Variants in STS observed in about 807,000 individuals in gnomAD.
The protein encoded by STS is steryl-sulfatase.
A neutral mutation model predicts 26.8 loss-of-function variants in STS; 7 were observed. The ratio of observed to expected loss-of-function variants is 0.26; its 90% CI spans 0.15 to 0.49. STS has a LOEUF of 0.49. STS is among the 20% of genes least tolerant of loss of function. The probability of loss-of-function intolerance (pLI) is 0.98; values close to 1 mark genes in which losing one functional copy is unlikely to be tolerated. For missense variants in STS, 434 were observed against 465.6 expected, an observed-to-expected ratio of 0.93 and a Z score of 0.63; for synonymous variants, 199 against 189.4, an observed-to-expected ratio of 1.05 and a Z score of -0.42.
intron 9 of STS, among the ~76,000 whole-genome samples, chrX:7,330,878 A>G (rs899666571): frequency 8.9e-6 from 1 of 112,151 alleles, no homozygotes; most frequent in East Asian, 2.8e-4. Context: ...AATACTTAAG[A>G]TTCCCTTTAA....
At chrX:7,249,468 G>A (rs550420664) in intron 2 of STS, among the ~76,000 whole-genome samples, 24 of 111,558 alleles carry the variant, frequency 2.2e-4, no homozygotes, top group African/African-American at 7.8e-4. Flanking sequence ...CTCAGACTGG[G>A]TAGGCAGTGG....
chrX:7,204,674 TTCC>T (rs1277427036), intron 2 of STS, among the ~76,000 whole-genome samples: 101 of 104,202 alleles, frequency 9.7e-4, no homozygotes, highest in African/African-American at 3.4e-3. Flanking sequence ...CCTTCCTTTT[TTCC>T]TCCTCACCTT....
At chrX:7,223,144 C>A (rs1921649359) in intron 2 of STS, among the ~76,000 whole-genome samples, 1 of 111,320 alleles carries the variant, frequency 9.0e-6, no homozygotes, top group Admixed American at 9.6e-5. Context: ...TTATCCAATC[C>A]TCTGTTGATG....
intron 2 of STS, among the ~76,000 whole-genome samples, chrX:7,206,770 G>A (rs1449278725): frequency 8.9e-6 from 1 of 112,224 alleles, no homozygotes; most frequent in Non-Finnish European, 1.9e-5. Context: ...AAGGATTTTT[G>A]TTGTGAATTT....
intron 8 of STS, 60 bp from the exon 9 acceptor site, chrX:7,325,279 G>A (rs1056777385): frequency 3.5e-6 from 4 of 1,146,912 alleles, no homozygotes; most frequent in South Asian, 1.9e-5. Context: ...GTCCATTGAA[G>A]TGAGCATTGA....
Position 7,334,120 on chromosome X carries a change from A to G in STS, c.1363+13A>G. On this transcript the variant is annotated intron_variant, in intron 10 of 10. Coordinates refer to ENST00000674429, the MANE Select transcript of STS (RefSeq NM_001320752.2). The stretch of plus-strand genomic sequence containing the variant: ...CACCCTCAGAACAGTGAGTAAACAG[A>G]CCTTTCCACGCTCCTCATGCTCCGT... 1 of 1,211,244 alleles carries G rather than the reference A, an allele frequency of 8.3e-7. No individual in the cohort carries two copies. Among genetic ancestry groups the G allele is most frequent in the Non-Finnish European group, 1.1e-6 (1 of 895,212 alleles).
At chrX:7,231,877 T>A (rs2147060155) in intron 2 of STS, among the ~76,000 whole-genome samples, 1 of 106,659 alleles carries the variant, frequency 9.4e-6, no homozygotes, top group South Asian at 4.2e-4. Flanking sequence ...TCTTGGTAAA[T>A]TCTTTTTATT....
intron 2 of STS, among the ~76,000 whole-genome samples, chrX:7,197,477 C>T (rs1158491282): frequency 9.0e-6 from 1 of 110,809 alleles, no homozygotes; most frequent in Non-Finnish European, 1.9e-5. Context: ...AGGGCGTTCC[C>T]GAAGCTAAGA....
At chrX:7,234,760 C>G (rs1460230571) in intron 2 of STS, among the ~76,000 whole-genome samples, 1 of 112,241 alleles carries the variant, frequency 8.9e-6, no homozygotes, top group Non-Finnish European at 1.9e-5. Flanking sequence ...GTTCTTGAAT[C>G]TGATCCTTTT....
At chrX:7,312,541 C>A (rs1373511789) in intron 8 of STS, among the ~76,000 whole-genome samples, 2 of 111,197 alleles carry the variant, frequency 1.8e-5, no homozygotes, top group East Asian at 5.7e-4. Context: ...ATAATCCCCA[C>A]ATGTCATGGG....
intron 2 of STS, among the ~76,000 whole-genome samples, chrX:7,249,016 G>A (rs184845317): frequency 1.4e-3 from 152 of 111,115 alleles, no homozygotes; most frequent in African/African-American, 4.6e-3. Context: ...TTCTATCCAA[G>A]ATACAGACAT....
intron 10 of STS, among the ~76,000 whole-genome samples, chrX:7,338,475 G>C (rs769971395): frequency 1.8e-5 from 2 of 111,935 alleles, no homozygotes; most frequent in Non-Finnish European, 3.8e-5. Context: ...GCATCATGTA[G>C]ACAAGAAAGT....
intron 1 of STS, among the ~76,000 whole-genome samples, chrX:7,162,596 G>A (rs1933266304): frequency 9.1e-6 from 1 of 110,344 alleles, no homozygotes; most frequent in Non-Finnish European, 1.9e-5. Context: ...CGGAGGCACT[G>A]TTGGTACGTG....
intron 2 of STS, among the ~76,000 whole-genome samples, chrX:7,224,150 T>C (rs1161071148): frequency 8.9e-6 from 1 of 111,886 alleles, no homozygotes; most frequent in African/African-American, 3.2e-5. Context: ...CTTTATGATC[T>C]GATCTTTTCA....
intron 2 of STS, among the ~76,000 whole-genome samples, chrX:7,247,555 T>C (rs897917734): frequency 4.4e-5 from 5 of 112,405 alleles, no homozygotes; most frequent in Non-Finnish European, 9.4e-5. Flanking sequence ...ATACTTCTCT[T>C]GGAGCTAAGA....
At chrX:7,323,559 C>G (rs748161296) in intron 8 of STS, among the ~76,000 whole-genome samples, 1 of 111,735 alleles carries the variant, frequency 8.9e-6, no homozygotes, top group Non-Finnish European at 1.9e-5. Context: ...ATATTTTGTT[C>G]TTTTTTATGG....
chrX:7,147,668 G>A (rs1338425974), upstream of STS, among the ~76,000 whole-genome samples: 1 of 112,142 alleles, frequency 8.9e-6, no homozygotes, highest in Non-Finnish European at 1.9e-5. Flanking sequence ...AAGGTCGCAC[G>A]CATGCGTAAC....
At chrX:7,215,043 A>G (rs929655377) in intron 2 of STS, among the ~76,000 whole-genome samples, 7 of 69,672 alleles carry the variant, frequency 1.0e-4, no homozygotes, top group East Asian at 4.3e-4. Context: ...ATATATATAC[A>G]TATATATACG....
Position 7,173,745 on chromosome X carries a change from A to G in STS, c.-133-17135A>G, listed in dbSNP as rs150026037. 8.9e-5 allele frequency among the ~76,000 whole-genome samples: 10 copies of G among 112,175 alleles called. No individual in the cohort carries two copies. The East Asian group carries it at 2.8e-3, about 31-fold the overall frequency. On this transcript the variant is annotated intron_variant, in intron 1 of 10. Transcript: ENST00000674429. ...CTGGCCACATTAATGTCTTCTTTTG[A>G]CAAATGTGCATTCATGTCCCTTGCT...
Sources: gnomAD v4.1 joint callset for allele counts (sites outside exome capture counted in the v4.1 genomes callset) on GRCh38, gnomAD v4.1.1 for gene constraint, MANE v1.5 for transcripts, NCBI Gene and HGNC (gene_info 2026-07-23, HGNC 2026-07-21) for gene names.